TMEM132D: variants seen among roughly 807,000 people sequenced by gnomAD.
TMEM132D encodes transmembrane protein 132D.
TMEM132D carries 21 observed loss-of-function variants against 62.3 expected under a neutral mutation model. The observed-to-expected ratio is 0.34, with a 90% CI of 0.24 to 0.49. TMEM132D has a LOEUF of 0.49. Among genes scored for constraint, TMEM132D ranks in the 20% least tolerant of loss-of-function variants. The pLI, the probability that TMEM132D is intolerant of heterozygous loss-of-function variation, is 0.99. For synonymous variants in TMEM132D, 621 were observed against 575.6 expected, an observed-to-expected ratio of 1.08 and a Z score of -1.13; for missense variants, 1,346 against 1,402.8, an observed-to-expected ratio of 0.96 and a Z score of 0.65.
chr12:129,602,333 T>C (rs1878502531), intron 2 of TMEM132D, among the ~76,000 whole-genome samples: 1 of 152,072 alleles, frequency 6.6e-6, no homozygotes, highest in South Asian at 2.1e-4. Flanking sequence ...GAAATAAAAA[T>C]GTCAATATAG....
Position 129,072,151 on chromosome 12 carries a change from G to A in TMEM132D, c.*1724C>T, listed in dbSNP as rs1264402816. Reference sequence around the variant, plus strand: ...CACACACTCAAAATTACAGAGATGAGATGGAGAGGAAGCAGGGAGAAGATA... The same window carrying A: ...CACACACTCAAAATTACAGAGATGAAATGGAGAGGAAGCAGGGAGAAGATA... On this transcript the variant is annotated 3_prime_UTR_variant, in exon 9 of 9. Transcript: ENST00000422113. The A allele has an allele frequency of 1.5e-5, 2 of 134,646 alleles. No individual in the cohort carries two copies. Among genetic ancestry groups the A allele is most frequent in the Non-Finnish European group, 3.2e-5 (2 of 61,980 alleles). The allele number at this position is 134,646 out of a possible 1,614,324, so 8.3% of individuals were successfully genotyped here. A position where few individuals can be genotyped will look rare whatever the true frequency, so the allele number is the denominator to read the frequency against.
chr12:129,175,946 C>A (rs1877892963), intron 5 of TMEM132D, among the ~76,000 whole-genome samples: 1 of 152,178 alleles, frequency 6.6e-6, no homozygotes, highest in Non-Finnish European at 1.5e-5. Context: ...ATTACCCTTG[C>A]ATACTTCTTA....
rs150508783 is a variant in TMEM132D at position 129,700,233 on chromosome 12, C to A, written c.545G>T (p.Ser182Ile). The A allele has an allele frequency of 6.2e-7, 1 of 1,612,988 alleles. No homozygotes were observed. The highest frequency in any genetic ancestry group is 2.2e-5 in the East Asian group (1 of 44,862). The change falls in exon 2 of 9, where the codon AGC becomes ATC. Residue 182 changes from serine (S) to isoleucine (I), a missense_variant. Coordinates refer to ENST00000422113, the MANE Select transcript of TMEM132D (RefSeq NM_133448.3). ...AFRETREVRG[S>I]CRLQGDLGLC... Reference sequence around the variant, plus strand: ...CCCCAGGTCCCCCTGCAGCCGGCAGCTGCCCCGCACCTCTCGGGTCTCTCG... The same window carrying A: ...CCCCAGGTCCCCCTGCAGCCGGCAGATGCCCCGCACCTCTCGGGTCTCTCG...
Position 129,167,980 on chromosome 12 carries a change from GTCTTTCTCTT to G in TMEM132D, c.1443+41530_1443+41539del, listed in dbSNP as rs370469984. Among the ~76,000 whole-genome samples, 363 of 152,062 alleles carry G rather than the reference GTCTTTCTCTT, an allele frequency of 2.4e-3. 1 individual carries two copies. The highest frequency in any genetic ancestry group is 8.3e-3 in the African/African-American group (344 of 41,552). ...AGAGGAAGAAAGCTGTCAAAAAGAA[GTCTTTCTCTT>G]CTGGGCTTCCTCTGAGTGGTTTCCA... On this transcript the variant is annotated intron_variant, in intron 5 of 8. Coordinates refer to ENST00000422113, the MANE Select transcript of TMEM132D (RefSeq NM_133448.3).
Position 129,827,323 on chromosome 12 carries a change from C to T in TMEM132D, c.79+75938G>A, listed in dbSNP as rs1397405104. On this transcript the variant is annotated intron_variant, in intron 1 of 8. Transcript: ENST00000422113. This position sits in a 1 kb window ranked among gnomAD's most constrained non-coding sequence, Gnocchi z 9.7. ...CAACAGCACCCAGTTAACAAAGGGT[C>T]CTCTCCAGTTTCTAAGCCCCAAATT... 1.3e-5 allele frequency among the ~76,000 whole-genome samples: 2 copies of T among 152,082 alleles called. No homozygotes were observed. The highest frequency in any genetic ancestry group is 2.9e-5 in the Non-Finnish European group (2 of 68,020).
At position 129,587,544 on chromosome 12, in the gene TMEM132D, TA is replaced by T. The variant is rs915263846; in HGVS notation, c.969-56340del. 5.0e-4 allele frequency among the ~76,000 whole-genome samples: 74 copies of T among 148,880 alleles called. 2 individuals carry two copies. The East Asian group carries it at 0.013, about 27-fold the overall frequency. On this transcript the variant is annotated intron_variant, in intron 2 of 8. Coordinates refer to ENST00000422113, the MANE Select transcript of TMEM132D (RefSeq NM_133448.3). ...CACATGTACCCCTGAACTTAAAAGT[TA>T]AAAAAAAAACTCGCTCCAGAGCCCT...
intron 3 of TMEM132D, among the ~76,000 whole-genome samples, chr12:129,467,597 C>T (rs1453687291): frequency 6.6e-6 from 1 of 152,154 alleles, no homozygotes; most frequent in African/African-American, 2.4e-5. Flanking sequence ...TCCTCTGCAC[C>T]CTCGGGTATC....
chr12:129,441,393 T>C (rs1872932737), intron 3 of TMEM132D, among the ~76,000 whole-genome samples: 1 of 152,124 alleles, frequency 6.6e-6, no homozygotes, highest in Admixed American at 6.5e-5. Flanking sequence ...TTAAGGCCAC[T>C]TGTGAATGGC....
At chr12:129,669,319 C>T (rs548990356) in intron 2 of TMEM132D, among the ~76,000 whole-genome samples, 3 of 152,230 alleles carry the variant, frequency 2.0e-5, no homozygotes, top group East Asian at 3.9e-4. Context: ...GTTAGCTGTT[C>T]TTGAGGTTTT....
At chr12:129,407,887 C>T (rs1483923925) in intron 3 of TMEM132D, among the ~76,000 whole-genome samples, 1 of 132,318 alleles carries the variant, frequency 7.6e-6, no homozygotes, top group Non-Finnish European at 1.6e-5. Flanking sequence ...GAGACTCCGA[C>T]TCAAAAAAAA....
At chr12:129,209,360 G>A (rs1878956027) in intron 5 of TMEM132D, among the ~76,000 whole-genome samples, 160 bp downstream of exon 5, 1 of 152,202 alleles carries the variant, frequency 6.6e-6, no homozygotes, top group Non-Finnish European at 1.5e-5. Flanking sequence ...TTGTGCCACG[G>A]AGAATGTCCT....
Position 129,588,356 on chromosome 12 carries a change from A to C in TMEM132D, c.969-57151T>G, listed in dbSNP as rs142551739. Among the ~76,000 whole-genome samples the C allele has an allele frequency of 4.1e-3, 621 of 152,270 alleles. 2 individuals carry two copies. Among genetic ancestry groups the C allele is most frequent in the African/African-American group, 0.014 (595 of 41,544 alleles). ...CACTTGTGCTCCGGAATCACTCAACATGTTTATAATCTCCAGACCTGAATC... is the reference window on the plus strand; with the variant it reads ...CACTTGTGCTCCGGAATCACTCAACCTGTTTATAATCTCCAGACCTGAATC... On this transcript the variant is annotated intron_variant, in intron 2 of 8. Coordinates refer to ENST00000422113, the MANE Select transcript of TMEM132D (RefSeq NM_133448.3).
In TMEM132D at chr12:129,632,917, TCTTTG is replaced by T. The variant is rs71082740; in HGVS notation, c.968+66888_968+66892del. The stretch of plus-strand genomic sequence containing the variant: ...TTCACGCATCTTCTATGCAGTCCTC[TCTTTG>T]CTTTGACTGTCCCCCTCTATGCCCC... On this transcript the variant is annotated intron_variant, in intron 2 of 8. Transcript: ENST00000422113. Among the ~76,000 whole-genome samples the T allele has an allele frequency of 6.6e-3, 1,011 of 152,330 alleles. 2 individuals are homozygous for T. The highest frequency in any genetic ancestry group is 0.017 in the Middle Eastern group (5 of 294).
intron 4 of TMEM132D, among the ~76,000 whole-genome samples, chr12:129,316,568 T>C (rs986136605): frequency 6.6e-6 from 1 of 152,174 alleles, no homozygotes; most frequent in Non-Finnish European, 1.5e-5. Context: ...TGCCCTATGA[T>C]ATGTCTATCT....
chr12:129,578,926 C>A (rs572584890), intron 2 of TMEM132D, among the ~76,000 whole-genome samples: 1 of 152,196 alleles, frequency 6.6e-6, no homozygotes, highest in African/African-American at 2.4e-5. Context: ...AAAACCCACA[C>A]AGACACACCT....
chr12:129,140,456 T>C (rs4964875), intron 5 of TMEM132D, among the ~76,000 whole-genome samples: 35,992 of 152,076 alleles, frequency 0.24, 4,420 homozygotes, highest in South Asian at 0.33. Flanking sequence ...TTTGCTGTCA[T>C]GGTAGTTTTA....
chr12:129,829,725 G>A (rs73160254), intron 1 of TMEM132D, among the ~76,000 whole-genome samples: 10,834 of 152,158 alleles, frequency 0.071, 418 homozygotes, highest in East Asian at 0.11. Context: ...GGAGATGGGG[G>A]AGCTTTTGAA....
chr12:129,307,190 G>C (rs1219004965), intron 4 of TMEM132D, among the ~76,000 whole-genome samples: 1 of 151,930 alleles, frequency 6.6e-6, no homozygotes, highest in Admixed American at 6.6e-5. Flanking sequence ...TGTTAATGCA[G>C]AAGGATTTTA....
At chr12:129,835,582 C>T (rs1872980678) in intron 1 of TMEM132D, among the ~76,000 whole-genome samples, 1 of 152,146 alleles carries the variant, frequency 6.6e-6, no homozygotes, top group African/African-American at 2.4e-5. Context: ...TGAGCTACCA[C>T]ACCGAGCCTG....
Sources: gnomAD v4.1 joint callset for allele counts (sites outside exome capture counted in the v4.1 genomes callset) on GRCh38, gnomAD v4.1.1 for gene constraint, Gnocchi (gnomAD v3.1) non-coding constraint, MANE v1.5 for transcripts, NCBI Gene and HGNC (gene_info 2026-07-23, HGNC 2026-07-21) for gene names.